CACNA1C: variants seen among roughly 807,000 people sequenced by gnomAD.
CACNA1C encodes calcium voltage-gated channel subunit alpha1 C.
Under a neutral mutation model 229.0 loss-of-function variants are expected in CACNA1C, and 30 were observed. That is an observed-to-expected ratio of 0.13 (90% CI 0.10 to 0.18). The LOEUF is 0.18. CACNA1C is among the 10% of genes least tolerant of loss of function. CACNA1C has a pLI of 1.00. For missense variants in CACNA1C, 1,658 were observed against 2,845.0 expected (o/e 0.58, Z 9.49); for synonymous variants, 1,114 against 1,132.5 (o/e 0.98, Z 0.33).
rs185098851 is a variant in CACNA1C at position 2,573,258 on chromosome 12, G to T, written c.1895+5464G>T. Among the ~76,000 whole-genome samples, 5 of 152,254 alleles carry T rather than the reference G, an allele frequency of 3.3e-5. No individual in the cohort carries two copies. In the East Asian group the frequency reaches 9.7e-4, roughly 29 times the overall value. On this transcript the variant is annotated intron_variant, in intron 13 of 46. Transcript: ENST00000399655. ...AGATGGGGTCTCACTATATTGCCCA[G>T]GCAGGTCTGGAACTCCTGGACTTAA...
chr12:2,393,346 T>C (rs2239061), intron 3 of CACNA1C, among the ~76,000 whole-genome samples: 118,177 of 152,146 alleles, frequency 0.78, 46,259 homozygotes, highest in Non-Finnish European at 0.83. Context: ...GGACCATGGA[T>C]TCAAACCCTG....
intron 3 of CACNA1C, among the ~76,000 whole-genome samples, chr12:2,213,454 C>T (rs773915125): frequency 1.1e-4 from 16 of 152,212 alleles, no homozygotes; most frequent in African/African-American, 2.4e-4. Context: ...GAGGAGGAGG[C>T]GGCGAGATTA....
chr12:2,431,899 C>G (rs1476685535), intron 3 of CACNA1C, among the ~76,000 whole-genome samples: 10 of 152,182 alleles, frequency 6.6e-5, no homozygotes, highest in Non-Finnish European at 1.5e-4. Context: ...TTCCCATTCC[C>G]TCACCTACCA....
chr12:2,201,935 G>A (rs572939073), intron 3 of CACNA1C, among the ~76,000 whole-genome samples: 1 of 152,330 alleles, frequency 6.6e-6, no homozygotes, highest in Middle Eastern at 3.4e-3. Context: ...TCCCAGCAAG[G>A]GAGAAGGAGG....
chr12:2,141,543 C>A (rs986112379), intron 3 of CACNA1C, among the ~76,000 whole-genome samples: 1 of 151,396 alleles, frequency 6.6e-6, no homozygotes, highest in Non-Finnish European at 1.5e-5. Context: ...GGCCATCCAG[C>A]CTTCATTTCC....
intron 8 of CACNA1C, among the ~76,000 whole-genome samples, chr12:2,510,568 A>G (rs986905720): frequency 1.3e-5 from 2 of 152,156 alleles, no homozygotes; most frequent in Admixed American, 6.5e-5. Flanking sequence ...GCTTCATTCC[A>G]TGGGACTGTT....
At chr12:2,483,159 G>A (rs1029755779) in intron 5 of CACNA1C, among the ~76,000 whole-genome samples, 7 of 152,312 alleles carry the variant, frequency 4.6e-5, no homozygotes, top group Non-Finnish European at 5.9e-5. Flanking sequence ...CAGGGGAGCC[G>A]CGTGCGCTGG....
chr12:2,389,704 C>T (rs1030614251), intron 3 of CACNA1C, among the ~76,000 whole-genome samples: 1 of 152,160 alleles, frequency 6.6e-6, no homozygotes, highest in Non-Finnish European at 1.5e-5. Context: ...CCATTTTTCT[C>T]TTCCTTGGCA....
At chr12:2,241,250 TC>T (rs1459914371) in intron 3 of CACNA1C, among the ~76,000 whole-genome samples, 1 of 152,118 alleles carries the variant, frequency 6.6e-6, no homozygotes, top group African/African-American at 2.4e-5. Context: ...ATAGATGATG[TC>T]ATGGCAGCCT....
At chr12:2,076,853 G>T (rs1277476538) in intron 1 of CACNA1C, among the ~76,000 whole-genome samples, 1 of 152,184 alleles carries the variant, frequency 6.6e-6, no homozygotes, top group East Asian at 1.9e-4. Context: ...CAGTTGCTGT[G>T]TGTGAAGGAC....
intron 1 of CACNA1C, among the ~76,000 whole-genome samples, chr12:2,028,798 G>A (rs995288852): frequency 1.4e-4 from 22 of 152,270 alleles, no homozygotes; most frequent in African/African-American, 5.3e-4. Flanking sequence ...AAAAGGCTGT[G>A]ATGATGATGA....
intron 3 of CACNA1C, among the ~76,000 whole-genome samples, chr12:2,446,427 G>T (rs2099282735): frequency 1.5e-5 from 2 of 130,892 alleles, no homozygotes; most frequent in African/African-American, 2.9e-5. Flanking sequence ...TGGATGAGTG[G>T]GTGGTTGGAT....
At position 2,181,997 on chromosome 12, in the gene CACNA1C, G is replaced by T. The variant is rs940569275; in HGVS notation, c.477+61567G>T. Among the ~76,000 whole-genome samples the T allele has an allele frequency of 6.6e-6, 1 of 151,976 alleles. No individual in the cohort carries two copies. The highest frequency in any genetic ancestry group is 1.5e-5 in the Non-Finnish European group (1 of 67,996). ...TTCAATAGGGAGCTCTTCAGAAATGGAACATGTTGAGAGGCCAGGAGTTCT... is the reference window on the plus strand; with the variant it reads ...TTCAATAGGGAGCTCTTCAGAAATGTAACATGTTGAGAGGCCAGGAGTTCT... On this transcript the variant is annotated intron_variant, in intron 3 of 46. Transcript: ENST00000399655. This position sits in a 1 kb window ranked among gnomAD's most constrained non-coding sequence, Gnocchi z 4.0.
intron 20 of CACNA1C, among the ~76,000 whole-genome samples, chr12:2,596,838 G>A (rs1332700093): frequency 6.6e-6 from 1 of 151,992 alleles, no homozygotes; most frequent in African/African-American, 2.4e-5. Context: ...GAATCTCCCT[G>A]CAAAAAGACA....
chr12:2,591,938 G>C (rs1301845796), intron 18 of CACNA1C, among the ~76,000 whole-genome samples: 2 of 152,134 alleles, frequency 1.3e-5, no homozygotes, highest in African/African-American at 2.4e-5. Flanking sequence ...TCTTCCCTAA[G>C]TGTGTTTTTG....
intron 18 of CACNA1C, among the ~76,000 whole-genome samples, chr12:2,591,046 G>A (rs10848677): frequency 0.55 from 83,759 of 151,990 alleles, 27,268 homozygotes; most frequent in Non-Finnish European, 0.71. Flanking sequence ...TTTTCATCTT[G>A]GGCCTCTCTT....
At chr12:2,044,718 A>T (rs77951780) in intron 1 of CACNA1C, among the ~76,000 whole-genome samples, 2,643 of 152,304 alleles carry the variant, frequency 0.017, 36 homozygotes, top group East Asian at 0.072. Flanking sequence ...TCATCTTTAA[A>T]AAAGAGGTTT....
At chr12:2,388,813 C>T (rs535112215) in intron 3 of CACNA1C, among the ~76,000 whole-genome samples, 32 of 152,096 alleles carry the variant, frequency 2.1e-4, no homozygotes, top group African/African-American at 7.2e-4. Flanking sequence ...GTGGCACATC[C>T]AAGTGCAGTT....
At chr12:2,025,546 C>T (rs1162157427) in intron 1 of CACNA1C, among the ~76,000 whole-genome samples, 1 of 152,132 alleles carries the variant, frequency 6.6e-6, no homozygotes, top group Non-Finnish European at 1.5e-5. Context: ...CTTTTAGCCT[C>T]CCAACACAGT....
Sources: gnomAD v4.1 joint callset for allele counts (sites outside exome capture counted in the v4.1 genomes callset) on GRCh38, gnomAD v4.1.1 for gene constraint, Gnocchi (gnomAD v3.1) non-coding constraint, MANE v1.5 for transcripts, NCBI Gene and HGNC (gene_info 2026-07-23, HGNC 2026-07-21) for gene names.